The following PALLD variants were observed in gnomAD, a reference collection of about 807,000 sequenced individuals.
The protein encoded by PALLD is palladin, cytoskeletal associated protein.
A neutral mutation model predicts 123.5 loss-of-function variants in PALLD; 61 were observed. That is an observed-to-expected ratio of 0.49 (90% confidence interval 0.40 to 0.61). The LOEUF (loss-of-function observed/expected upper bound fraction) is 0.61, where lower values mean the gene tolerates loss of function less well. Ranked by LOEUF, PALLD falls within the 20% of genes least tolerant of loss-of-function variation. PALLD has a pLI of 0.00. For missense variants in PALLD, 1,273 were observed against 1,377.0 expected, an observed-to-expected ratio of 0.92 and a Z score of 1.20; for synonymous variants, 465 against 496.4, an observed-to-expected ratio of 0.94 and a Z score of 0.84.
At chr4:168,567,714 A>G (rs763632611) in intron 2 of PALLD, among the ~76,000 whole-genome samples, 19 of 151,960 alleles carry the variant, frequency 1.3e-4, no homozygotes, top group Non-Finnish European at 2.4e-4. Flanking sequence ...GTCAAATGCT[A>G]CATGTTCTCA....
intron 2 of PALLD, among the ~76,000 whole-genome samples, chr4:168,588,966 C>T (rs962026118): frequency 1.3e-5 from 2 of 152,100 alleles, no homozygotes; most frequent in South Asian, 4.1e-4. Context: ...TTCATCTGTT[C>T]CTTGACAGTG....
intron 10 of PALLD, chr4:168,712,341 CA>C (rs549496807): frequency 1.1e-3 from 288 of 254,084 alleles, no homozygotes; most frequent in African/African-American, 6.2e-3. Flanking sequence ...CTGATATAGA[CA>C]AGCGGGGAAA....
At chr4:168,701,219 C>T (rs866621199) in intron 8 of PALLD, among the ~76,000 whole-genome samples, 1 of 152,214 alleles carries the variant, frequency 6.6e-6, no homozygotes, top group African/African-American at 2.4e-5. Flanking sequence ...CCAGGAGGAG[C>T]CAGGGCTTAG....
intron 2 of PALLD, among the ~76,000 whole-genome samples, chr4:168,638,625 G>A (rs62333884): frequency 0.06 from 9,070 of 152,184 alleles, 390 homozygotes; most frequent in Non-Finnish European, 0.086. Context: ...TGAAGGTGCC[G>A]GTAGATTCAG....
At position 168,822,876 on chromosome 4, in the gene PALLD, T is replaced by C. The variant is rs143800057; in HGVS notation, c.1965-68046T>C. On this transcript the variant is annotated intron_variant, in intron 10 of 21. Coordinates refer to ENST00000505667, the MANE Select transcript of PALLD (RefSeq NM_001166108.2). The stretch of plus-strand genomic sequence containing the variant: ...TGACACCTGCTGATTTAGGTTCACA[T>C]AGAATACAATGGTAAATAGAGAATA... Among the ~76,000 whole-genome samples, 875 of 152,298 alleles carry C rather than the reference T, an allele frequency of 5.7e-3. 7 individuals carry two copies. The highest frequency in any genetic ancestry group is 9.1e-3 in the Non-Finnish European group (622 of 68,020).
At chr4:168,559,789 G>A (rs1767678298) in intron 2 of PALLD, among the ~76,000 whole-genome samples, 1 of 151,986 alleles carries the variant, frequency 6.6e-6, no homozygotes, top group Non-Finnish European at 1.5e-5. Context: ...ACAGGCACCT[G>A]CCTGTAGTAC....
chr4:168,857,682 T>C (rs912780782), intron 10 of PALLD, among the ~76,000 whole-genome samples: 4 of 152,182 alleles, frequency 2.6e-5, no homozygotes, highest in African/African-American at 7.2e-5. Context: ...TAGACATCAC[T>C]TAAGAGGAAA....
intron 10 of PALLD, among the ~76,000 whole-genome samples, chr4:168,849,892 A>AC (rs1321671556): frequency 6.6e-6 from 1 of 151,930 alleles, no homozygotes; most frequent in Non-Finnish European, 1.5e-5. Context: ...CCCTCTTCTC[A>AC]CCCCCAAGCT....
chr4:168,746,012 AG>A (rs1414599415), intron 10 of PALLD, among the ~76,000 whole-genome samples: 2 of 152,192 alleles, frequency 1.3e-5, no homozygotes, highest in Non-Finnish European at 2.9e-5. Flanking sequence ...GACTACACAA[AG>A]GTCGGGAAAT....
intron 8 of PALLD, among the ~76,000 whole-genome samples, chr4:168,696,613 AAAAC>A (rs745382998): frequency 3.2e-4 from 48 of 152,168 alleles, no homozygotes; most frequent in Non-Finnish European, 5.9e-4. Flanking sequence ...ATGTAAAACA[AAAAC>A]AAACAAACAA....
chr4:168,763,377 A>T (rs983325246), intron 10 of PALLD, among the ~76,000 whole-genome samples: 1 of 152,094 alleles, frequency 6.6e-6, no homozygotes, highest in Non-Finnish European at 1.5e-5. Flanking sequence ...TCTCACAAGA[A>T]CCCTGCTAAG....
At chr4:168,848,572 T>C (rs1338742488) in intron 10 of PALLD, among the ~76,000 whole-genome samples, 1 of 152,082 alleles carries the variant, frequency 6.6e-6, no homozygotes, top group Non-Finnish European at 1.5e-5. Context: ...GGAGACACTA[T>C]TAAAAGCAAA....
chr4:168,907,883 G>A (rs1374946670), intron 15 of PALLD, among the ~76,000 whole-genome samples: 2 of 151,978 alleles, frequency 1.3e-5, no homozygotes, highest in Non-Finnish European at 2.9e-5. Flanking sequence ...ACAGTAAACA[G>A]ACCAGTTTCT....
intron 2 of PALLD, among the ~76,000 whole-genome samples, chr4:168,607,081 G>C (rs779371247): frequency 2.6e-5 from 4 of 152,182 alleles, no homozygotes; most frequent in Non-Finnish European, 5.9e-5. Context: ...CGGGGGCTGG[G>C]AGATGGGGAT....
chr4:168,926,625 TTGCTGTGATTA>T lies in PALLD; in HGVS notation c.*446_*456del. 1 of 421,456 alleles carries T rather than the reference TTGCTGTGATTA, an allele frequency of 2.4e-6. No individual in the cohort carries two copies. Among genetic ancestry groups the T allele is most frequent in the South Asian group, 3.9e-5 (1 of 25,732 alleles). 26.1% of individuals were successfully genotyped at this position (421,456 alleles called of 1,614,324 possible). ...TACTGTCCAATTTAAAACTTTGGAA[TTGCTGTGATTA>T]AAGTGATCAAAATGCCAAAATACTA... On this transcript the variant is annotated 3_prime_UTR_variant, in exon 22 of 22. Coordinates refer to ENST00000505667, the MANE Select transcript of PALLD (RefSeq NM_001166108.2).
At chr4:168,920,402 T>G (rs1228631232) in intron 17 of PALLD, among the ~76,000 whole-genome samples, 1 of 152,216 alleles carries the variant, frequency 6.6e-6, no homozygotes, top group East Asian at 1.9e-4. Flanking sequence ...GAATGGAATT[T>G]GTGAGTCCTC....
chr4:168,770,907 G>A (rs7672462), intron 10 of PALLD, among the ~76,000 whole-genome samples: 52,048 of 151,766 alleles, frequency 0.34, 9,597 homozygotes, highest in Non-Finnish European at 0.43. Context: ...AAAAATACAA[G>A]AACTTAGCTG....
At chr4:168,785,877 A>ATATATATATATATATATATATATATATG (rs1736677874) in intron 10 of PALLD, among the ~76,000 whole-genome samples, 1 of 138,614 alleles carries the variant, frequency 7.2e-6, no homozygotes, top group Admixed American at 7.2e-5. Context: ...ATATATATAT[A>ATATATATATATATATATATATATATATG]GCATTTTAAG....
intron 2 of PALLD, among the ~76,000 whole-genome samples, chr4:168,526,541 C>G (rs62333838): frequency 6.6e-6 from 1 of 152,066 alleles, no homozygotes. Flanking sequence ...ATCTGTTGTC[C>G]TCTTGCCTCA....
Sources: allele counts gnomAD v4.1 joint callset (sites outside exome capture counted in the v4.1 genomes callset), GRCh38; gene constraint gnomAD v4.1.1; transcripts MANE v1.5; gene names NCBI Gene and HGNC (gene_info 2026-07-23, HGNC 2026-07-21).